The following SDK1 variants were observed in gnomAD, a reference collection of about 807,000 sequenced individuals.
The protein encoded by SDK1 is sidekick cell adhesion molecule 1.
SDK1 carries 157 observed loss-of-function variants against 245.5 expected under a neutral mutation model. The ratio of observed to expected loss-of-function variants is 0.64; its 90% CI spans 0.56 to 0.73. The LOEUF (loss-of-function observed/expected upper bound fraction) is 0.73. SDK1 is among the 30% of genes least tolerant of loss of function. The pLI, the probability that SDK1 is intolerant of heterozygous loss-of-function variation, is 0.00. For missense variants in SDK1, 3,583 were observed against 3,002.3 expected, an observed-to-expected ratio of 1.19 and a Z score of -4.52; for synonymous variants, 1,647 against 1,278.5, an observed-to-expected ratio of 1.29 and a Z score of -6.15.
At chr7:3,778,456 TC>T in intron 4 of SDK1, among the ~76,000 whole-genome samples, 1 of 146,636 alleles carries the variant, frequency 6.8e-6, no homozygotes, top group Non-Finnish European at 1.5e-5. Flanking sequence ...GGGTTAAAGT[TC>T]GTATTTTCTA....
At chr7:3,592,505 C>G (rs968432196) in intron 1 of SDK1, among the ~76,000 whole-genome samples, 2 of 152,190 alleles carry the variant, frequency 1.3e-5, no homozygotes, top group East Asian at 1.9e-4. Context: ...GTCATTCTTG[C>G]GACATTTTAA....
intron 4 of SDK1, among the ~76,000 whole-genome samples, chr7:3,651,341 A>C (rs1418140997): frequency 1.3e-5 from 2 of 152,060 alleles, no homozygotes; most frequent in Non-Finnish European, 2.9e-5. Context: ...AATGATGTTG[A>C]ACATCTCTTA....
At chr7:3,377,942 C>G (rs1179390731) in intron 1 of SDK1, among the ~76,000 whole-genome samples, 1 of 152,022 alleles carries the variant, frequency 6.6e-6, no homozygotes, top group Non-Finnish European at 1.5e-5. Context: ...CCATGCCCAG[C>G]TAATTTTTGT....
rs10663969 is a variant in SDK1 at position 3,655,049 on chromosome 7, CT to C, written c.713+12957del. Reference sequence around the variant, plus strand: ...AATGTGTTAGTTGAATCATAGCTTGCTTTTTTTTTTTTTGGCTCTTAAATCT... The same window carrying C: ...AATGTGTTAGTTGAATCATAGCTTGCTTTTTTTTTTTTGGCTCTTAAATCT... On this transcript the variant is annotated intron_variant, in intron 4 of 44. Transcript: ENST00000404826. Among the ~76,000 whole-genome samples, 127 of 144,256 alleles carry C rather than the reference CT, an allele frequency of 8.8e-4. 1 individual carries two copies. Among genetic ancestry groups the C allele is most frequent in the East Asian group, 2.0e-3 (10 of 4,880 alleles). The allele number at this position is 144,256 out of a possible 152,430, so 94.6% of individuals were successfully genotyped here.
intron 1 of SDK1, among the ~76,000 whole-genome samples, chr7:3,548,048 C>T (rs1562554909): frequency 6.6e-6 from 1 of 152,154 alleles, no homozygotes; most frequent in African/African-American, 2.4e-5. Context: ...GAATTTGTCT[C>T]CCCAGTTTTT....
At chr7:4,163,393 G>A (rs539476261) in intron 32 of SDK1, among the ~76,000 whole-genome samples, 94 of 152,364 alleles carry the variant, frequency 6.2e-4, no homozygotes, top group Non-Finnish European at 9.8e-4. Flanking sequence ...TCTAGACATG[G>A]CCTTGGAGGG....
chr7:3,717,519 C>G (rs149779409), intron 4 of SDK1, among the ~76,000 whole-genome samples: 24 of 152,118 alleles, frequency 1.6e-4, no homozygotes, highest in African/African-American at 5.3e-4. Flanking sequence ...AAGCTCCCAC[C>G]TAAGAACCTA....
intron 35 of SDK1, among the ~76,000 whole-genome samples, chr7:4,189,466 A>G (rs1247403561): frequency 6.6e-6 from 1 of 152,338 alleles, no homozygotes; most frequent in East Asian, 1.9e-4. Flanking sequence ...CCCAGCTCAG[A>G]TGAGAGCCGA....
At chr7:4,106,937 CAG>C (rs1163219174) in intron 22 of SDK1, among the ~76,000 whole-genome samples, 2 of 151,888 alleles carry the variant, frequency 1.3e-5, no homozygotes, top group East Asian at 3.9e-4. Flanking sequence ...AGGAAGCCCC[CAG>C]GCCTCAGGTG....
intron 1 of SDK1, among the ~76,000 whole-genome samples, chr7:3,516,735 C>G (rs1782763450): frequency 6.6e-6 from 1 of 152,160 alleles, no homozygotes; most frequent in Non-Finnish European, 1.5e-5. Context: ...ATGTGAAGAA[C>G]TCTATTGTTT....
chr7:3,746,546 T>C (rs1340595885), intron 4 of SDK1, among the ~76,000 whole-genome samples: 3 of 152,244 alleles, frequency 2.0e-5, no homozygotes, highest in Admixed American at 2.0e-4. Context: ...TGCTGCTTTA[T>C]CAACTAAGAG....
chr7:4,002,800 A>G (rs891738880), intron 14 of SDK1, among the ~76,000 whole-genome samples: 1 of 152,150 alleles, frequency 6.6e-6, no homozygotes, highest in Admixed American at 6.5e-5. Context: ...TTGTTGTGTA[A>G]TTTCGGAGCT....
intron 4 of SDK1, among the ~76,000 whole-genome samples, chr7:3,651,095 G>T (rs1782999971): frequency 6.6e-6 from 1 of 150,452 alleles, no homozygotes. Context: ...GGAGTGGAAT[G>T]ACTGGGCTGT....
chr7:3,553,653 C>A (rs1779488480), intron 1 of SDK1, among the ~76,000 whole-genome samples: 1 of 152,132 alleles, frequency 6.6e-6, no homozygotes. Context: ...TGCTGAGATA[C>A]CCTTTTCCAG....
rs1404006365 is a variant in SDK1, at chr7:4,145,759, C to T, written c.4266C>T (p.Pro1422=). 28 of 1,612,582 alleles carry T rather than the reference C, an allele frequency of 1.7e-5. No individual in the cohort carries two copies. Among genetic ancestry groups the T allele is most frequent in the Non-Finnish European group, 2.3e-5 (27 of 1,179,442 alleles). ...CCTACCGCCTGGCCAGCAGCAGCCC[C>T]CACACCTTCACCACCGTGGAGGTCG... is the stretch of plus-strand genomic sequence containing the variant. ...QIAYRLASSS[P]HTFTTVEVGA... The change falls in exon 29 of 45, where the codon CCC becomes CCT. Residue 1422 remains proline (P), a synonymous_variant. Transcript: ENST00000404826.
At chr7:4,140,205 C>T (rs1779484546) in intron 28 of SDK1, among the ~76,000 whole-genome samples, 1 of 152,218 alleles carries the variant, frequency 6.6e-6, no homozygotes, top group African/African-American at 2.4e-5. Context: ...GGCTGCTCGT[C>T]CCCCTCTCAG....
At chr7:3,513,501 C>G (rs1782645106) in intron 1 of SDK1, among the ~76,000 whole-genome samples, 1 of 151,872 alleles carries the variant, frequency 6.6e-6, no homozygotes, top group Non-Finnish European at 1.5e-5. Flanking sequence ...ATATAAGACA[C>G]AAAGAAGAAT....
chr7:4,031,638 T>C (rs1562699377), intron 17 of SDK1, among the ~76,000 whole-genome samples: 1 of 152,152 alleles, frequency 6.6e-6, no homozygotes, highest in South Asian at 2.1e-4. Context: ...TATGTAGATA[T>C]AGCAACTATC....
chr7:3,627,027 A>G (rs1177078662), intron 2 of SDK1, among the ~76,000 whole-genome samples: 1 of 151,928 alleles, frequency 6.6e-6, no homozygotes, highest in Non-Finnish European at 1.5e-5. Context: ...TCCCGGGCTC[A>G]GTTCATACTC....
Sources: gnomAD v4.1 joint callset for allele counts (sites outside exome capture counted in the v4.1 genomes callset) on GRCh38, gnomAD v4.1.1 for gene constraint, MANE v1.5 for transcripts, NCBI Gene and HGNC (gene_info 2026-07-23, HGNC 2026-07-21) for gene names.